The following CDC25A variants were observed in gnomAD, a reference collection of about 807,000 sequenced individuals.
The protein encoded by CDC25A is M-phase inducer phosphatase 1.
In CDC25A, 17 loss-of-function variants were observed where a neutral mutation model predicts 64.6. That is an observed-to-expected ratio of 0.26 (90% confidence interval 0.18 to 0.39). The LOEUF (loss-of-function observed/expected upper bound fraction) is 0.39. Ranked by LOEUF, CDC25A falls within the 10% of genes least tolerant of loss-of-function variation. The pLI, the probability that CDC25A is intolerant of heterozygous loss-of-function variation, is 1.00. For missense variants in CDC25A, 473 were observed against 654.8 expected, an observed-to-expected ratio of 0.72 and a Z score of 3.03; for synonymous variants, 229 against 238.6, an observed-to-expected ratio of 0.96 and a Z score of 0.37.
At chr3:48,167,966 G>C (rs1219815123) in intron 9 of CDC25A, 22 bp from the exon 10 acceptor site, 1 of 1,410,744 alleles carries the variant, frequency 7.1e-7, no homozygotes, top group African/African-American at 1.4e-5. Context: ...CAAAGGTAGA[G>C]AATGAGACAA....
chr3:48,164,536 A>G, intron 12 of CDC25A, 99 bp from the exon 13 acceptor site: 1 of 1,171,596 alleles, frequency 8.5e-7, no homozygotes, highest in Non-Finnish European at 1.1e-6. Context: ...CTTTAAGTCC[A>G]CAAGACCAGT....
At chr3:48,171,261 G>C (rs2032258598) in intron 9 of CDC25A, among the ~76,000 whole-genome samples, 1 of 151,914 alleles carries the variant, frequency 6.6e-6, no homozygotes, top group Admixed American at 6.6e-5. Context: ...TGTAATCCCA[G>C]CTACTCAGGA....
chr3:48,169,977 C>G (rs1296333666), intron 9 of CDC25A, among the ~76,000 whole-genome samples: 1 of 151,828 alleles, frequency 6.6e-6, no homozygotes, highest in Non-Finnish European at 1.5e-5. Context: ...CCATGGCACT[C>G]CAGTCTGGGC....
chr3:48,172,137 C>A lies in CDC25A; in HGVS notation c.930+2147G>T, dbSNP rs547033353. ...TGTGATCGTGCTAGTGCACTCCAGC[C>A]TGAGTGACAGCGCTAGACCCTGTGC... On this transcript the variant is annotated intron_variant, in intron 9 of 14. Coordinates refer to ENST00000302506, the MANE Select transcript of CDC25A (RefSeq NM_001789.3). Among the ~76,000 whole-genome samples, 4 of 152,218 alleles carry A rather than the reference C, an allele frequency of 2.6e-5. No individual in the cohort carries two copies. The East Asian group carries it at 7.7e-4, about 29-fold the overall frequency.
intron 8 of CDC25A, among the ~76,000 whole-genome samples, chr3:48,176,531 GTATA>G (rs55938075): frequency 0.57 from 79,278 of 137,924 alleles, 22,833 homozygotes; most frequent in Non-Finnish European, 0.62. Flanking sequence ...GTGTGTGTGA[GTATA>G]TATATATATA....
At chr3:48,161,448 G>A (rs774492566) in intron 13 of CDC25A, 4 of 153,588 alleles carry the variant, frequency 2.6e-5, no homozygotes, top group Non-Finnish European at 4.3e-5. Context: ...TGGGCATGGC[G>A]GCTCACACCT....
At chr3:48,162,501 T>G (rs975965672) in intron 13 of CDC25A, among the ~76,000 whole-genome samples, 1 of 152,068 alleles carries the variant, frequency 6.6e-6, no homozygotes, top group Non-Finnish European at 1.5e-5. Context: ...CCCAAAGTGT[T>G]GGGATTACAG....
chr3:48,165,302 C>T (rs1311214076), intron 12 of CDC25A, among the ~76,000 whole-genome samples: 1 of 151,968 alleles, frequency 6.6e-6, no homozygotes, highest in Non-Finnish European at 1.5e-5. Flanking sequence ...GGTGCTCAGA[C>T]ATTGGTACCC....
chr3:48,177,995 G>A lies in CDC25A; in HGVS notation c.550-7C>T. 1 of 1,603,228 alleles carries A rather than the reference G, an allele frequency of 6.2e-7. No individual in the cohort carries two copies. Among genetic ancestry groups the A allele is most frequent in the Non-Finnish European group, 8.5e-7 (1 of 1,174,516 alleles). On this transcript the variant is annotated splice_polypyrimidine_tract_variant and splice_region_variant and intron_variant, in intron 6 of 14. Transcript: ENST00000302506. ...CTCTTTCATTTGAGGAAAGCTGTAA[G>A]ACAAAATTCATGGATTAATAATGAG...
rs1372917687 is a variant in CDC25A at position 48,159,093 on chromosome 3, G to C, written c.1435-8C>G. The C allele has an allele frequency of 1.9e-6, 3 of 1,613,794 alleles. No individual in the cohort carries two copies. The highest frequency in any genetic ancestry group is 3.3e-5 in the Admixed American group (2 of 59,972). On this transcript the variant is annotated splice_region_variant and splice_polypyrimidine_tract_variant and intron_variant, in intron 14 of 14. Coordinates refer to ENST00000302506, the MANE Select transcript of CDC25A (RefSeq NM_001789.3). ...AGGGGGCTCACAGTAAGACTGAGGG[G>C]ACAGGAGAGAATAAGGTTAGGGTAC...
rs150803506 is a variant in CDC25A at position 48,159,543 on chromosome 3, G to A, written c.1323-88C>T. 4.4e-5 allele frequency: 37 copies of A among 844,766 alleles called. 1 individual carries two copies. Among genetic ancestry groups the A allele is most frequent in the Middle Eastern group, 6.3e-4 (2 of 3,166 alleles). 52.3% of individuals were successfully genotyped at this position (844,766 alleles called of 1,614,324 possible). On this transcript the variant is annotated intron_variant, in intron 13 of 14. Coordinates refer to ENST00000302506, the MANE Select transcript of CDC25A (RefSeq NM_001789.3). ...AGTCAAAGCAGCAGTTGTGGTCTAA[G>A]TCCCCCTTATACACATCTTCCCAAC...
At chr3:48,186,008 T>C (rs936088494) in intron 2 of CDC25A, among the ~76,000 whole-genome samples, 5 of 152,236 alleles carry the variant, frequency 3.3e-5, no homozygotes, top group African/African-American at 4.8e-5. Flanking sequence ...AGATAAACTC[T>C]GCAGTAATAT....
intron 2 of CDC25A, 135 bp downstream of exon 2, chr3:48,186,568 T>TCAA: frequency 1.9e-6 from 1 of 517,976 alleles, no homozygotes; most frequent in African/African-American, 2.1e-5. Flanking sequence ...AAACTCTGTC[T>TCAA]CAAAAAAAAA....
intron 9 of CDC25A, among the ~76,000 whole-genome samples, chr3:48,171,236 G>A (rs757706074): frequency 1.3e-5 from 2 of 151,770 alleles, no homozygotes. Flanking sequence ...TTAGCCAGGC[G>A]TGGCAGTGGG....
chr3:48,165,771 G>A lies in CDC25A; in HGVS notation c.1093-37C>T, dbSNP rs547742544. ...AAATTAGGGAGAATCAACTTTGACC[G>A]TCAGGGAAAACTAGATTCAAGTACC... On this transcript the variant is annotated intron_variant, in intron 11 of 14. Transcript: ENST00000302506. 214 of 1,592,362 alleles carry A rather than the reference G, an allele frequency of 1.3e-4. 1 individual carries two copies. In the Admixed American group the frequency reaches 1.7e-3, roughly 13 times the overall value.
At chr3:48,180,125 T>C (rs1024831353) in intron 6 of CDC25A, among the ~76,000 whole-genome samples, 2 of 152,224 alleles carry the variant, frequency 1.3e-5, no homozygotes, top group East Asian at 3.9e-4. Flanking sequence ...AAAATAGAGA[T>C]GTGGTCTCAC....
chr3:48,175,878 G>A (rs1462057216), intron 8 of CDC25A, among the ~76,000 whole-genome samples: 1 of 152,160 alleles, frequency 6.6e-6, no homozygotes, highest in East Asian at 1.9e-4. Context: ...TCTCAAAACT[G>A]TAGCTTGGCT....
intron 13 of CDC25A, among the ~76,000 whole-genome samples, chr3:48,163,015 C>A (rs1247379424): frequency 6.6e-6 from 1 of 152,094 alleles, no homozygotes; most frequent in Non-Finnish European, 1.5e-5. Context: ...GGCGTGGTGG[C>A]TCACACCTGT....
chr3:48,164,224 C>T, intron 13 of CDC25A, 83 bp downstream of exon 13: 1 of 1,328,532 alleles, frequency 7.5e-7, no homozygotes. Context: ...AAAATATGCT[C>T]CAAGTGCAAG....
Sources: allele counts gnomAD v4.1 joint callset (sites outside exome capture counted in the v4.1 genomes callset), GRCh38; gene constraint gnomAD v4.1.1; transcripts MANE v1.5; gene names NCBI Gene and HGNC (gene_info 2026-07-23, HGNC 2026-07-21).